Variants in TRERF1 observed in about 807,000 individuals in gnomAD.
TRERF1 encodes transcriptional-regulating factor 1.
A neutral mutation model predicts 122.9 loss-of-function variants in TRERF1; 27 were observed. The ratio of observed to expected loss-of-function variants is 0.22; its 90% CI spans 0.16 to 0.30. TRERF1 has a LOEUF of 0.30. Ranked by LOEUF, TRERF1 falls within the 10% of genes least tolerant of loss-of-function variation. TRERF1 has a pLI of 1.00. For missense variants in TRERF1, 1,248 were observed against 1,560.3 expected (o/e 0.80, Z 3.37); for synonymous variants, 636 against 641.7 (o/e 0.99, Z 0.13).
intron 13 of TRERF1, among the ~76,000 whole-genome samples, chr6:42,251,088 T>G (rs1775720307): frequency 6.7e-6 from 1 of 149,854 alleles, no homozygotes; most frequent in African/African-American, 2.5e-5. Flanking sequence ...CCTACGCCTC[T>G]TGGGTTCAGG....
At chr6:42,396,533 A>G (rs975367215) in intron 2 of TRERF1, among the ~76,000 whole-genome samples, 12 of 152,268 alleles carry the variant, frequency 7.9e-5, no homozygotes, top group African/African-American at 2.9e-4. Flanking sequence ...TAGTACTTTT[A>G]CAGTAAAATA....
At position 42,290,696 on chromosome 6, in the gene TRERF1, C is replaced by T. The variant is rs141368537; in HGVS notation, c.-259+9942G>A. On this transcript the variant is annotated intron_variant, in intron 4 of 17. Coordinates refer to ENST00000372922, the Ensembl canonical transcript of TRERF1. ...AAGGAGAGAAGAAGGAAAAAAAAAG[C>T]CACAGGTTAGAGAAAATTAATTTAT... 9.0e-3 allele frequency among the ~76,000 whole-genome samples: 1,345 copies of T among 150,068 alleles called. 25 individuals carry two copies. Among genetic ancestry groups the T allele is most frequent in the South Asian group, 0.027 (128 of 4,760 alleles).
rs779593927 is a variant in TRERF1, at chr6:42,228,567, C to T, written c.3381G>A (p.Glu1127=). ...TAGTCCTCTCAATCGTGGCTGCCAT[C>T]TCAGCTGCAAAAGCCGCCTTCTGAG... Residue 1127 remains glutamate (E), a synonymous_variant, in exon 18 of 18, where the codon GAG becomes GAA. Transcript: ENST00000372922. This position sits in a 1 kb window ranked among gnomAD's most constrained non-coding sequence, Gnocchi z 4.2. The T allele has an allele frequency of 3.9e-5, 63 of 1,614,136 alleles. No homozygotes were observed. Among genetic ancestry groups the T allele is most frequent in the Non-Finnish European group, 5.1e-5 (60 of 1,180,056 alleles).
At chr6:42,385,933 C>T (rs897787350) in intron 2 of TRERF1, among the ~76,000 whole-genome samples, 13 of 152,086 alleles carry the variant, frequency 8.5e-5, no homozygotes, top group African/African-American at 1.4e-4. Context: ...AGTTGACTGG[C>T]GGTAAGCCTA....
At chr6:42,422,449 C>T (rs942302431) in intron 2 of TRERF1, among the ~76,000 whole-genome samples, 5 of 142,006 alleles carry the variant, frequency 3.5e-5, no homozygotes, top group Admixed American at 7.5e-5. Context: ...GCCCAGGAGG[C>T]GAAGGTTGCA....
At chr6:42,261,516 A>G (rs1777865574) in intron 8 of TRERF1, among the ~76,000 whole-genome samples, 1 of 149,820 alleles carries the variant, frequency 6.7e-6, no homozygotes, top group African/African-American at 2.5e-5. Flanking sequence ...CAAGCACTGA[A>G]AACTTTAAAA....
exon 18 of TRERF1, chr6:42,227,459 C>G (rs569109755): frequency 4.6e-5 from 7 of 152,170 alleles, no homozygotes; most frequent in Non-Finnish European, 1.0e-4. Flanking sequence ...CAATAGAACA[C>G]TTTCTGGCAT....
At chr6:42,413,428 ATTTT>A (rs5875802) in intron 2 of TRERF1, among the ~76,000 whole-genome samples, 1 of 119,056 alleles carries the variant, frequency 8.4e-6, no homozygotes, top group South Asian at 2.8e-4. Flanking sequence ...CAGAATCTGC[ATTTT>A]TTTTTTTTTT....
chr6:42,262,430 GGGGC>G lies in TRERF1; in HGVS notation c.1884+886_1884+889del, dbSNP rs1394809251. Among the ~76,000 whole-genome samples, 13 of 57,214 alleles carry G rather than the reference GGGGC, an allele frequency of 2.3e-4. 1 individual carries two copies. Among genetic ancestry groups the G allele is most frequent in the African/African-American group, 9.0e-4 (12 of 13,262 alleles). The allele number at this position is 57,214 out of a possible 152,430, so 37.5% of individuals were successfully genotyped here. On this transcript the variant is annotated intron_variant, in intron 8 of 17. Transcript: ENST00000372922. The stretch of plus-strand genomic sequence containing the variant: ...AACCACACAGGTCACAAATTCCCTA[GGGGC>G]AGAGAGAGAGAGAGAGAGAGAGAGA...
At chr6:42,230,545 T>G (rs980390534) in intron 17 of TRERF1, among the ~76,000 whole-genome samples, 7 of 152,178 alleles carry the variant, frequency 4.6e-5, no homozygotes, top group Admixed American at 1.3e-4. Context: ...GATACCCTGA[T>G]GCTGCCACTC....
chr6:42,392,299 C>A (rs1276982045), intron 2 of TRERF1, among the ~76,000 whole-genome samples: 1 of 152,136 alleles, frequency 6.6e-6, no homozygotes, highest in Admixed American at 6.5e-5. Context: ...CACTTAACAT[C>A]TTTAAGTTTC....
At chr6:42,447,270 A>C (rs1271928691) in intron 2 of TRERF1, among the ~76,000 whole-genome samples, 1 of 152,220 alleles carries the variant, frequency 6.6e-6, no homozygotes, top group East Asian at 1.9e-4. Context: ...AATTCTTAGA[A>C]AATATCACAG....
chr6:42,330,555 A>G (rs977457886), intron 3 of TRERF1, among the ~76,000 whole-genome samples: 1 of 152,268 alleles, frequency 6.6e-6, no homozygotes, highest in Non-Finnish European at 1.5e-5. Flanking sequence ...AGCAATATGC[A>G]CCAGAAACAT....
exon 7 of TRERF1, chr6:42,264,853 C>T: frequency 6.2e-7 from 1 of 1,613,954 alleles, no homozygotes; most frequent in East Asian, 2.2e-5. Flanking sequence ...TTGGGTTGGC[C>T]ACTGCTCAAG....
At chr6:42,326,154 C>T (rs780314614) in intron 3 of TRERF1, among the ~76,000 whole-genome samples, 6 of 151,958 alleles carry the variant, frequency 3.9e-5, no homozygotes, top group Non-Finnish European at 8.8e-5. Flanking sequence ...CACATGTACT[C>T]TCAAATCTAG....
chr6:42,388,506 G>A (rs574279137), intron 2 of TRERF1, among the ~76,000 whole-genome samples: 2 of 152,216 alleles, frequency 1.3e-5, no homozygotes, highest in South Asian at 4.2e-4. Flanking sequence ...AAATCAGACT[G>A]CCACGAGATC....
At chr6:42,343,215 A>G (rs1767621044) in intron 3 of TRERF1, among the ~76,000 whole-genome samples, 1 of 152,234 alleles carries the variant, frequency 6.6e-6, no homozygotes. Context: ...AATATAAATT[A>G]TAGACTGCCA....
chr6:42,252,934 C>T (rs1776083939), intron 13 of TRERF1, among the ~76,000 whole-genome samples: 1 of 152,170 alleles, frequency 6.6e-6, no homozygotes, highest in Admixed American at 6.5e-5. Context: ...AGCTCTATCT[C>T]TTTTGCCTCC....
At chr6:42,424,050 C>A (rs1365151761) in intron 2 of TRERF1, among the ~76,000 whole-genome samples, 1 of 152,230 alleles carries the variant, frequency 6.6e-6, no homozygotes, top group Admixed American at 6.5e-5. Context: ...CAAACCATTA[C>A]ATGTAGATGT....
Sources: allele counts gnomAD v4.1 joint callset (sites outside exome capture counted in the v4.1 genomes callset), GRCh38; gene constraint gnomAD v4.1.1; non-coding constraint Gnocchi (gnomAD v3.1); transcripts MANE v1.5; gene names NCBI Gene and HGNC (gene_info 2026-07-23, HGNC 2026-07-21).